KIAA1328: variants seen among roughly 807,000 people sequenced by gnomAD.
The protein encoded by KIAA1328 is protein hinderin.
Under a neutral mutation model 68.1 loss-of-function variants are expected in KIAA1328, and 52 were observed. The ratio of observed to expected loss-of-function variants is 0.76; its 90% CI spans 0.61 to 0.96. The LOEUF (loss-of-function observed/expected upper bound fraction) is 0.96, where lower values mean the gene tolerates loss of function less well. Ranked by LOEUF, KIAA1328 falls within the 40% of genes least tolerant of loss-of-function variation. The pLI is 0.00. For missense variants in KIAA1328, 641 were observed against 677.6 expected, an observed-to-expected ratio of 0.95 and a Z score of 0.60; for synonymous variants, 232 against 239.4, an observed-to-expected ratio of 0.97 and a Z score of 0.28.
intron 6 of KIAA1328, among the ~76,000 whole-genome samples, chr18:37,030,945 T>A (rs1176934191): frequency 1.3e-5 from 2 of 152,040 alleles, no homozygotes; most frequent in Non-Finnish European, 2.9e-5. Flanking sequence ...TGGTTTTCTG[T>A]CCTTGGGATA....
chr18:36,886,755 A>G (rs570242682), intron 5 of KIAA1328, among the ~76,000 whole-genome samples: 2 of 152,346 alleles, frequency 1.3e-5, no homozygotes, highest in South Asian at 2.1e-4. Flanking sequence ...TATTGGCGGT[A>G]TCATCATTAA....
intron 9 of KIAA1328, among the ~76,000 whole-genome samples, chr18:37,198,186 A>C (rs988157187): frequency 6.6e-6 from 1 of 152,150 alleles, no homozygotes; most frequent in Non-Finnish European, 1.5e-5. Context: ...GGGGCTTGAG[A>C]GTAAGGAGTG....
At chr18:37,087,473 G>C (rs554526989) in intron 7 of KIAA1328, among the ~76,000 whole-genome samples, 1 of 152,082 alleles carries the variant, frequency 6.6e-6, no homozygotes, top group South Asian at 2.1e-4. Context: ...GAGAATATTC[G>C]TAATAATTTT....
chr18:36,833,810 A>G (rs1337181959), intron 1 of KIAA1328, among the ~76,000 whole-genome samples: 2 of 152,226 alleles, frequency 1.3e-5, no homozygotes, highest in East Asian at 1.9e-4. Context: ...GGGATATTTT[A>G]TGAATACACT....
intron 9 of KIAA1328, among the ~76,000 whole-genome samples, chr18:37,180,058 C>CCACACACACACA (rs139301794): frequency 1.1e-4 from 15 of 134,062 alleles, no homozygotes; most frequent in South Asian, 2.7e-4. Context: ...GATTCAAAAG[C>CCACACACACACA]CACACACACA....
chr18:37,154,758 T>C (rs2059118155), intron 7 of KIAA1328, among the ~76,000 whole-genome samples: 1 of 152,224 alleles, frequency 6.6e-6, no homozygotes, highest in Non-Finnish European at 1.5e-5. Context: ...ATTCTCATGT[T>C]TATCACATAC....
chr18:37,130,516 A>G (rs2058497474), intron 7 of KIAA1328, among the ~76,000 whole-genome samples: 1 of 151,926 alleles, frequency 6.6e-6, no homozygotes, highest in South Asian at 2.1e-4. Context: ...TACTCAGGAG[A>G]CGGAGGCAGG....
chr18:37,220,732 A>G (rs1459378872), intron 9 of KIAA1328, among the ~76,000 whole-genome samples: 3 of 152,180 alleles, frequency 2.0e-5, no homozygotes, highest in African/African-American at 7.2e-5. Flanking sequence ...TGCTTCTGCC[A>G]TTGTCACCAC....
chr18:37,200,625 C>G (rs1457471310), intron 9 of KIAA1328, among the ~76,000 whole-genome samples: 2 of 151,734 alleles, frequency 1.3e-5, no homozygotes, highest in Admixed American at 1.3e-4. Context: ...TCCTGGCTAA[C>G]AAGGTGAAAC....
chr18:37,163,140 T>G (rs1173214030), intron 8 of KIAA1328, among the ~76,000 whole-genome samples: 1 of 152,158 alleles, frequency 6.6e-6, no homozygotes, highest in Non-Finnish European at 1.5e-5. Flanking sequence ...CAAAACGTTT[T>G]CCACCAGCTT....
intron 6 of KIAA1328, among the ~76,000 whole-genome samples, chr18:37,047,906 T>C (rs1288338150): frequency 1.3e-5 from 2 of 152,174 alleles, no homozygotes; most frequent in African/African-American, 2.4e-5. Flanking sequence ...CCTATACTTT[T>C]GGATAAAATT....
At chr18:36,848,654 A>G (rs1266946365) in intron 4 of KIAA1328, among the ~76,000 whole-genome samples, 1 of 145,546 alleles carries the variant, frequency 6.9e-6, no homozygotes, top group Non-Finnish European at 1.5e-5. Flanking sequence ...TTGATCTTAA[A>G]TCTTTCACCA....
At chr18:36,994,644 C>G (rs1401431857) in intron 6 of KIAA1328, among the ~76,000 whole-genome samples, 1 of 152,168 alleles carries the variant, frequency 6.6e-6, no homozygotes, top group African/African-American at 2.4e-5. Context: ...AAACTGTGAT[C>G]TGTTTAATTC....
intron 9 of KIAA1328, among the ~76,000 whole-genome samples, chr18:37,176,019 G>T (rs960785626): frequency 2.0e-5 from 3 of 152,188 alleles, no homozygotes; most frequent in Admixed American, 2.0e-4. Context: ...AGTGTTGGTT[G>T]TTAATTGTTC....
chr18:37,045,158 G>A (rs2055415913), intron 6 of KIAA1328, among the ~76,000 whole-genome samples: 1 of 152,094 alleles, frequency 6.6e-6, no homozygotes, highest in African/African-American at 2.4e-5. Flanking sequence ...GTCTTTTGAG[G>A]TATACCTTTA....
At chr18:36,992,487 G>T (rs1181860598) in intron 6 of KIAA1328, among the ~76,000 whole-genome samples, 4 of 139,176 alleles carry the variant, frequency 2.9e-5, no homozygotes, top group Non-Finnish European at 6.0e-5. Context: ...GCTATATGTG[G>T]CCTTTCTTTA....
At chr18:37,047,227 GT>G (rs2055508969) in intron 6 of KIAA1328, among the ~76,000 whole-genome samples, 1 of 152,148 alleles carries the variant, frequency 6.6e-6, no homozygotes, top group South Asian at 2.1e-4. Context: ...TAGGCTGTTA[GT>G]TTTGTGGTCT....
chr18:37,185,121 G>A (rs374777381), intron 9 of KIAA1328, among the ~76,000 whole-genome samples: 2 of 151,412 alleles, frequency 1.3e-5, no homozygotes, highest in Admixed American at 6.6e-5. Context: ...AGCTGAGATC[G>A]CGCCACTGCA....
At chr18:37,122,249 A>C (rs2058289935) in intron 7 of KIAA1328, among the ~76,000 whole-genome samples, 1 of 152,126 alleles carries the variant, frequency 6.6e-6, no homozygotes, top group Admixed American at 6.6e-5. Flanking sequence ...TGTCGTGCTT[A>C]AAGGGTTATG....
Sources: gnomAD v4.1 joint callset for allele counts (sites outside exome capture counted in the v4.1 genomes callset) on GRCh38, gnomAD v4.1.1 for gene constraint, MANE v1.5 for transcripts, NCBI Gene and HGNC (gene_info 2026-07-23, HGNC 2026-07-21) for gene names.